PTPRZ1: variants seen among roughly 807,000 people sequenced by gnomAD.
The protein encoded by PTPRZ1 is protein tyrosine phosphatase receptor type Z1.
Under a neutral mutation model 214.1 loss-of-function variants are expected in PTPRZ1, and 82 were observed. The ratio of observed to expected loss-of-function variants is 0.38; its 90% CI spans 0.32 to 0.46. The LOEUF (loss-of-function observed/expected upper bound fraction) is 0.46. Ranked by LOEUF, PTPRZ1 falls within the 20% of genes least tolerant of loss-of-function variation. The pLI is 1.00. For missense variants in PTPRZ1, 2,603 were observed against 2,748.7 expected, an observed-to-expected ratio of 0.95 and a Z score of 1.19; for synonymous variants, 945 against 987.9, an observed-to-expected ratio of 0.96 and a Z score of 0.81.
At position 122,000,646 on chromosome 7, in the gene PTPRZ1, CATATATATATATATATATATAT is replaced by C. The variant is rs60953788; in HGVS notation, c.1240+2675_1240+2696del. Among the ~76,000 whole-genome samples the C allele has an allele frequency of 8.9e-3, 458 of 51,692 alleles. 9 individuals carry two copies. The highest frequency in any genetic ancestry group is 0.013 in the Middle Eastern group (1 of 80). The allele number at this position is 51,692 out of a possible 152,430, so 33.9% of individuals were successfully genotyped here. A position where few individuals can be genotyped will look rare whatever the true frequency, so the allele number is the denominator to read the frequency against. On this transcript the variant is annotated intron_variant, in intron 10 of 29. Transcript: ENST00000393386. The stretch of plus-strand genomic sequence containing the variant: ...ATTGCTGTCATTCTTTGATAGATTT[CATATATATATATATATATATAT>C]ATATATATATATATATATATATATA...
rs1792306993 is a variant in PTPRZ1 at position 122,055,032 on chromosome 7, G to A, written c.6473G>A (p.Cys2158Tyr). The A allele has an allele frequency of 1.9e-6, 3 of 1,603,470 alleles. No individual in the cohort carries two copies. Among genetic ancestry groups the A allele is most frequent in the Non-Finnish European group, 2.6e-6 (3 of 1,171,634 alleles). The change falls in exon 27 of 30, where the codon TGT becomes TAT. Residue 2158 changes from cysteine to tyrosine, a missense_variant. This residue lies in a region of PTPRZ1 where 134 missense variants were observed against 183.3 expected (regional missense o/e 0.73). Transcript: ENST00000393386. Reference protein sequence around the residue: ...KVTLMAEEHKCLSNEEKLIIQ... With the variant: ...KVTLMAEEHKYLSNEEKLIIQ... The stretch of plus-strand genomic sequence containing the variant: ...ACTCTTATGGCTGAAGAACACAAAT[G>A]TCTATCTAATGAGGAAAAACTTATA...
At chr7:121,928,079 A>G (rs1795816392) in intron 1 of PTPRZ1, 77 bp from the exon 2 acceptor site, 2 of 999,650 alleles carry the variant, frequency 2.0e-6, no homozygotes, top group Middle Eastern at 2.2e-4. Flanking sequence ...TATTTATGGT[A>G]TGAATAATTT....
At position 122,013,613 on chromosome 7, in the gene PTPRZ1, G is replaced by T. The variant is rs746414310; in HGVS notation, c.4567G>T (p.Asp1523Tyr). The T allele has an allele frequency of 6.2e-6, 10 of 1,614,178 alleles. No individual in the cohort carries two copies. The highest frequency in any genetic ancestry group is 7.6e-6 in the Non-Finnish European group (9 of 1,180,018). The change falls in exon 12 of 30, where the codon GAC becomes TAC. Residue 1523 changes from aspartate to tyrosine, a missense_variant. Around this residue, in one of 6 missense-constraint regions of PTPRZ1, gnomAD observed 1,913 missense variants for 1,914.3 expected, o/e 1.00. Coordinates refer to ENST00000393386, the MANE Select transcript of PTPRZ1 (RefSeq NM_002851.3). ...QKHNDGKEEN[D>Y]IQTGSALLPL... ...GCACAATGATGGAAAAGAGGAAAAT[G>T]ACATTCAGACTGGTAGTGCTCTGCT...
intron 2 of PTPRZ1, among the ~76,000 whole-genome samples, chr7:121,938,065 A>T (rs1451123676): frequency 1.3e-5 from 2 of 152,128 alleles, no homozygotes; most frequent in Non-Finnish European, 2.9e-5. Context: ...ATATCTATCT[A>T]TTTATCTATA....
At position 122,011,498 on chromosome 7, in the gene PTPRZ1, C is replaced by T. The variant is rs1441606268; in HGVS notation, c.2452C>T (p.Pro818Ser). 6.2e-7 allele frequency: 1 copy of T among 1,613,904 alleles called. No individual in the cohort carries two copies. The highest frequency in any genetic ancestry group is 8.5e-7 in the Non-Finnish European group (1 of 1,179,838). Residue 818 changes from proline (P) to serine (S), a missense_variant, in exon 12 of 30, where the codon CCT becomes TCT. By Grantham distance (74) the Pro-to-Ser change is moderately conservative (BLOSUM62 -1). This residue lies in a region of PTPRZ1 where 1,913 missense variants were observed against 1,914.3 expected (regional missense o/e 1.00). Coordinates refer to ENST00000393386, the MANE Select transcript of PTPRZ1 (RefSeq NM_002851.3). ...CATCCTGTCTTCCTATGATGGTGCA[C>T]CTTTGCTTCCATTTTCCTCTGCTTC... ...ESILSSYDGA[P>S]LLPFSSASFS...
intron 1 of PTPRZ1, among the ~76,000 whole-genome samples, chr7:121,891,759 G>A (rs1711719423): frequency 6.6e-6 from 1 of 151,630 alleles, no homozygotes; most frequent in Non-Finnish European, 1.5e-5. Context: ...TTTCTGCACT[G>A]TCTGGTCTTT....
intron 6 of PTPRZ1, among the ~76,000 whole-genome samples, chr7:121,979,734 GAGC>G (rs1403718382): frequency 6.6e-6 from 1 of 152,186 alleles, no homozygotes; most frequent in African/African-American, 2.4e-5. Context: ...ACCCCAAATA[GAGC>G]AGCACTGGCT....
intron 12 of PTPRZ1, among the ~76,000 whole-genome samples, chr7:122,016,954 G>T (rs991343028): frequency 1.1e-4 from 17 of 152,010 alleles, no homozygotes; most frequent in Non-Finnish European, 1.5e-5. Context: ...AGAGTTTCTG[G>T]TTCAGAAGAT....
intron 1 of PTPRZ1, among the ~76,000 whole-genome samples, chr7:121,921,043 A>G (rs1795583068): frequency 6.6e-6 from 1 of 152,134 alleles, no homozygotes; most frequent in South Asian, 2.1e-4. Flanking sequence ...ATAGGATTAC[A>G]AGTGATTTTT....
At chr7:121,888,961 G>A (rs990824997) in intron 1 of PTPRZ1, among the ~76,000 whole-genome samples, 3 of 152,072 alleles carry the variant, frequency 2.0e-5, no homozygotes, top group Admixed American at 6.6e-5. Flanking sequence ...GGCTTCTGCA[G>A]GACTTAATTT....
intron 12 of PTPRZ1, among the ~76,000 whole-genome samples, chr7:122,017,538 C>CATTTATTT (rs3069214): frequency 0.43 from 60,477 of 139,862 alleles, 14,078 homozygotes; most frequent in African/African-American, 0.59. Flanking sequence ...TGATACATTA[C>CATTTATTT]ATTTATTTAT....
intron 13 of PTPRZ1, among the ~76,000 whole-genome samples, chr7:122,022,805 C>T (rs1799057557): frequency 6.6e-6 from 1 of 152,132 alleles, no homozygotes; most frequent in Non-Finnish European, 1.5e-5. Flanking sequence ...AGGACTCATG[C>T]TTCCCAGTTG....
chr7:122,043,594 T>C (rs1055871722), intron 22 of PTPRZ1, among the ~76,000 whole-genome samples: 2 of 152,112 alleles, frequency 1.3e-5, no homozygotes, highest in Non-Finnish European at 2.9e-5. Flanking sequence ...CTGAGTGGGC[T>C]TCAAAACGAA....
intron 4 of PTPRZ1, among the ~76,000 whole-genome samples, chr7:121,973,100 A>G (rs897086472): frequency 1.3e-5 from 2 of 152,202 alleles, no homozygotes; most frequent in Admixed American, 1.3e-4. Flanking sequence ...GAGAAAGTCT[A>G]AATTGGTAGA....
At chr7:122,044,956 CTT>C (rs1242048665) in intron 23 of PTPRZ1, among the ~76,000 whole-genome samples, 4 of 151,932 alleles carry the variant, frequency 2.6e-5, no homozygotes, top group African/African-American at 9.7e-5. Flanking sequence ...TCCTGATACT[CTT>C]TGGAAAAAAT....
intron 1 of PTPRZ1, among the ~76,000 whole-genome samples, chr7:121,893,188 A>G (rs1026436334): frequency 6.6e-6 from 1 of 152,168 alleles, no homozygotes; most frequent in Non-Finnish European, 1.5e-5. Flanking sequence ...AAACTTTGTC[A>G]TGTCGTTAAA....
Position 122,051,093 on chromosome 7 carries a change from A to G in PTPRZ1, c.6085-335A>G, listed in dbSNP as rs1413430382. ...ATATGTATATACACACACACGATGT[A>G]ATTTACCTCCAAACGTCTGTGTGAG... On this transcript the variant is annotated intron_variant, in intron 23 of 29. Transcript: ENST00000393386. Among the ~76,000 whole-genome samples, 6 of 152,176 alleles carry G rather than the reference A, an allele frequency of 3.9e-5. No individual in the cohort carries two copies. The East Asian group carries it at 1.2e-3, about 29-fold the overall frequency.
intron 3 of PTPRZ1, among the ~76,000 whole-genome samples, chr7:121,971,583 A>G (rs886859076): frequency 6.6e-6 from 1 of 152,176 alleles, no homozygotes; most frequent in Admixed American, 6.5e-5. Flanking sequence ...CTGTGACTCA[A>G]TTTCCTCATC....
intron 2 of PTPRZ1, among the ~76,000 whole-genome samples, chr7:121,933,054 TAAC>T (rs1162963344): frequency 6.6e-6 from 1 of 151,570 alleles, no homozygotes; most frequent in African/African-American, 2.4e-5. Flanking sequence ...ACTCTTTCTG[TAAC>T]AACTTCATTT....
Sources: gnomAD v4.1 joint callset for allele counts (sites outside exome capture counted in the v4.1 genomes callset) on GRCh38, gnomAD v4.1.1 for gene constraint, gnomAD v4.1.1 regional missense constraint, MANE v1.5 for transcripts, NCBI Gene and HGNC (gene_info 2026-07-23, HGNC 2026-07-21) for gene names.